The following SLC44A5 variants were observed in gnomAD, a reference collection of about 807,000 sequenced individuals.
SLC44A5 encodes solute carrier family 44 member 5.
Under a neutral mutation model 101.8 loss-of-function variants are expected in SLC44A5, and 57 were observed. The observed-to-expected ratio is 0.56, with a 90% CI of 0.45 to 0.70. The LOEUF is 0.70. SLC44A5 is among the 30% of genes least tolerant of loss of function. The pLI, the probability that SLC44A5 is intolerant of heterozygous loss-of-function variation, is 0.00. For missense variants in SLC44A5, 737 were observed against 853.1 expected (o/e 0.86, Z 1.70); for synonymous variants, 281 against 290.9 (o/e 0.97, Z 0.35).
intron 2 of SLC44A5, among the ~76,000 whole-genome samples, chr1:75,476,676 C>G (rs1667427222): frequency 6.6e-6 from 1 of 152,204 alleles, no homozygotes; most frequent in African/African-American, 2.4e-5. Flanking sequence ...GATCAAACTG[C>G]AAGGCGGCAG....
intron 2 of SLC44A5, among the ~76,000 whole-genome samples, chr1:75,518,253 G>T (rs756908392): frequency 1.3e-5 from 2 of 152,128 alleles, no homozygotes; most frequent in African/African-American, 2.4e-5. Context: ...ATTAAAAATA[G>T]CAGTCTCAAA....
At chr1:75,212,382 C>T (rs1034102437) in intron 22 of SLC44A5, among the ~76,000 whole-genome samples, 1 of 151,990 alleles carries the variant, frequency 6.6e-6, no homozygotes, top group South Asian at 2.1e-4. Context: ...TCTGCTGTTT[C>T]CCCCTTTGTG....
At chr1:75,455,395 C>T (rs1227605707) in intron 2 of SLC44A5, among the ~76,000 whole-genome samples, 3 of 151,918 alleles carry the variant, frequency 2.0e-5, no homozygotes, top group African/African-American at 7.3e-5. Context: ...AATATAATAC[C>T]TCAAACTATA....
At chr1:75,683,756 TAACAAATA>T in the SLC44A5 span, among the ~76,000 whole-genome samples, 4,960 of 150,046 alleles carry the variant, frequency 0.033, 275 homozygotes, top group African/African-American at 0.12. Context: ...TAAAGTATAA[TAACAAATA>T]AATAAATAAA....
chr1:75,425,290 T>C (rs1664243506), intron 2 of SLC44A5, among the ~76,000 whole-genome samples: 1 of 152,250 alleles, frequency 6.6e-6, no homozygotes, highest in African/African-American at 2.4e-5. Context: ...GTTAGGAACT[T>C]AATTAAGCAT....
chr1:75,531,559 G>A (rs1406974165), intron 2 of SLC44A5, among the ~76,000 whole-genome samples: 4 of 152,190 alleles, frequency 2.6e-5, no homozygotes, highest in Non-Finnish European at 5.9e-5. Context: ...GATTCAGTAG[G>A]TCTAAGGTGG....
At chr1:75,671,618 G>A in the SLC44A5 span, among the ~76,000 whole-genome samples, 1 of 152,106 alleles carries the variant, frequency 6.6e-6, no homozygotes, top group Non-Finnish European at 1.5e-5. Context: ...TTTTAATAAA[G>A]GTATTGAATT....
chr1:75,390,692 C>T (rs943703221), intron 3 of SLC44A5, among the ~76,000 whole-genome samples: 5 of 151,934 alleles, frequency 3.3e-5, no homozygotes, highest in African/African-American at 1.2e-4. Flanking sequence ...AAGAAGCATA[C>T]CTCAAAATAA....
At chr1:75,420,528 T>G (rs1663938928) in intron 2 of SLC44A5, among the ~76,000 whole-genome samples, 1 of 152,108 alleles carries the variant, frequency 6.6e-6, no homozygotes, top group Non-Finnish European at 1.5e-5. Context: ...GCTTGTAAAT[T>G]TACATAAATT....
At chr1:75,481,326 T>C (rs1570411812) in intron 2 of SLC44A5, among the ~76,000 whole-genome samples, 2 of 152,272 alleles carry the variant, frequency 1.3e-5, no homozygotes, top group Admixed American at 6.5e-5. Context: ...GGCATTACCA[T>C]TCAGGACATA....
intron 3 of SLC44A5, among the ~76,000 whole-genome samples, chr1:75,346,587 A>G (rs562854165): frequency 2.2e-4 from 33 of 152,190 alleles, no homozygotes; most frequent in Non-Finnish European, 4.3e-4. Context: ...GCTATAGAAC[A>G]GCCATGAATT....
At chr1:75,418,965 CCTT>C (rs774420030) in intron 2 of SLC44A5, among the ~76,000 whole-genome samples, 3 of 152,068 alleles carry the variant, frequency 2.0e-5, no homozygotes, top group Non-Finnish European at 4.4e-5. Context: ...GCTAGGTTCA[CCTT>C]CTAGTAGTCC....
intron 2 of SLC44A5, among the ~76,000 whole-genome samples, chr1:75,423,900 T>C (rs1273833611): frequency 6.6e-6 from 1 of 152,228 alleles, no homozygotes; most frequent in Non-Finnish European, 1.5e-5. Context: ...GGTTTGTTGC[T>C]CAGGGTATAA....
intron 2 of SLC44A5, among the ~76,000 whole-genome samples, chr1:75,527,977 G>A (rs1017106812): frequency 2.6e-5 from 4 of 152,160 alleles, no homozygotes; most frequent in African/African-American, 9.7e-5. Context: ...CATGCATTAT[G>A]TGTCTTTTGT....
At chr1:75,717,317 GGA>G in the SLC44A5 span, among the ~76,000 whole-genome samples, 1 of 151,154 alleles carries the variant, frequency 6.6e-6, no homozygotes, top group Non-Finnish European at 1.5e-5. Flanking sequence ...CTCCAGTCTG[GGA>G]GAGAGAGTGA....
intron 5 of SLC44A5, among the ~76,000 whole-genome samples, chr1:75,282,237 T>A (rs1020381474): frequency 5.9e-5 from 9 of 152,250 alleles, no homozygotes; most frequent in African/African-American, 2.2e-4. Context: ...ATGACTGCCC[T>A]ATTGGATTAC....
chr1:75,585,108 C>T (rs1359124934), intron 1 of SLC44A5, among the ~76,000 whole-genome samples: 1 of 152,182 alleles, frequency 6.6e-6, no homozygotes, highest in Non-Finnish European at 1.5e-5. Context: ...GGACAAATCA[C>T]TTCATCTCAC....
rs566772851 is a variant in SLC44A5 at position 75,501,340 on chromosome 1, C to T, written c.13+40095G>A. Among the ~76,000 whole-genome samples the T allele has an allele frequency of 3.3e-5, 5 of 152,284 alleles. No individual in the cohort carries two copies. The East Asian group carries it at 9.7e-4, about 29-fold the overall frequency. On this transcript the variant is annotated intron_variant, in intron 2 of 23. Coordinates refer to ENST00000370859, the MANE Select transcript of SLC44A5 (RefSeq NM_001130058.2). ...TCTATACCTCCTCAATCTCACTCTC[C>T]TTTGCCAAGTGCTGAAAGCCTAAAA...
chr1:75,555,343 A>G (rs1384310763), intron 1 of SLC44A5, among the ~76,000 whole-genome samples: 1 of 152,146 alleles, frequency 6.6e-6, no homozygotes, highest in Non-Finnish European at 1.5e-5. Flanking sequence ...CTATATCTTA[A>G]TTGGTTTGGT....
Sources: allele counts gnomAD v4.1 joint callset (sites outside exome capture counted in the v4.1 genomes callset), GRCh38; gene constraint gnomAD v4.1.1; transcripts MANE v1.5; gene names NCBI Gene and HGNC (gene_info 2026-07-23, HGNC 2026-07-21).